The following MTMR3 variants were observed in gnomAD, a reference collection of about 807,000 sequenced individuals.
MTMR3 encodes the protein myotubularin related protein 3, also known as phosphatidylinositol-3,5-bisphosphate 3-phosphatase MTMR3.
Under a neutral mutation model 132.4 loss-of-function variants are expected in MTMR3, and 32 were observed. That is an observed-to-expected ratio of 0.24 (90% CI 0.18 to 0.32). The LOEUF is 0.32. Ranked by LOEUF, MTMR3 falls within the 10% of genes least tolerant of loss-of-function variation. The pLI is 1.00. For synonymous variants in MTMR3, 556 were observed against 550.3 expected (o/e 1.01, Z -0.14); for missense variants, 1,216 against 1,489.6 (o/e 0.82, Z 3.02).
chr22:29,911,395 T>C (rs895091863), intron 1 of MTMR3, among the ~76,000 whole-genome samples: 1 of 151,920 alleles, frequency 6.6e-6, no homozygotes, highest in Non-Finnish European at 1.5e-5. Context: ...ATAAAAAAAT[T>C]AGCCAGGTGT....
At chr22:29,907,419 C>CT (rs1042229472) in intron 1 of MTMR3, among the ~76,000 whole-genome samples, 8 of 144,450 alleles carry the variant, frequency 5.5e-5, no homozygotes, top group African/African-American at 2.3e-4. Context: ...AAATTACAAA[C>CT]TTTTTTATTG....
chr22:29,900,482 T>C (rs2064983812), intron 1 of MTMR3, among the ~76,000 whole-genome samples: 1 of 152,206 alleles, frequency 6.6e-6, no homozygotes, highest in Admixed American at 6.5e-5. Flanking sequence ...ATACAAAGAC[T>C]ACACAGCTGG....
At chr22:30,008,151 C>T (rs775779018) in intron 11 of MTMR3, 119 bp downstream of exon 11, 6 of 1,305,314 alleles carry the variant, frequency 4.6e-6, no homozygotes, top group South Asian at 1.5e-5. Flanking sequence ...TCCATCCTGT[C>T]GTGAGAGTGC....
chr22:29,934,807 A>G (rs1014801823), intron 1 of MTMR3, among the ~76,000 whole-genome samples: 1 of 152,240 alleles, frequency 6.6e-6, no homozygotes, highest in African/African-American at 2.4e-5. Flanking sequence ...TCCTTCAACA[A>G]CTATGAAGAT....
chr22:29,904,210 A>G (rs1368011027), intron 1 of MTMR3, among the ~76,000 whole-genome samples: 1 of 152,216 alleles, frequency 6.6e-6, no homozygotes, highest in Non-Finnish European at 1.5e-5. Context: ...TACAAATACA[A>G]TTTTAATTAG....
chr22:29,921,291 A>G (rs1569004947), intron 1 of MTMR3, among the ~76,000 whole-genome samples: 1 of 152,188 alleles, frequency 6.6e-6, no homozygotes, highest in Admixed American at 6.5e-5. Flanking sequence ...TTAAACAACC[A>G]GTTCTCACGT....
chr22:29,948,502 T>G (rs1216101205), intron 1 of MTMR3, among the ~76,000 whole-genome samples: 3 of 152,196 alleles, frequency 2.0e-5, no homozygotes, highest in African/African-American at 7.2e-5. Flanking sequence ...TTCTAGAATT[T>G]ATGTTTAATA....
intron 1 of MTMR3, among the ~76,000 whole-genome samples, chr22:29,898,854 C>A (rs1166736688): frequency 6.7e-6 from 1 of 148,462 alleles, no homozygotes; most frequent in African/African-American, 2.5e-5. Flanking sequence ...TGATTTTATT[C>A]TTTTTTATGG....
At chr22:29,937,281 C>T (rs914315006) in intron 1 of MTMR3, among the ~76,000 whole-genome samples, 2 of 152,178 alleles carry the variant, frequency 1.3e-5, no homozygotes, top group Non-Finnish European at 2.9e-5. Context: ...GATACCAAGA[C>T]ATTCTCTTCT....
At chr22:29,916,375 T>C (rs761736356) in intron 1 of MTMR3, among the ~76,000 whole-genome samples, 1 of 152,246 alleles carries the variant, frequency 6.6e-6, no homozygotes, top group Non-Finnish European at 1.5e-5. Flanking sequence ...AAAGATGTAG[T>C]AGTGCCTCAC....
intron 1 of MTMR3, among the ~76,000 whole-genome samples, chr22:29,893,027 A>G (rs1479915266): frequency 2.0e-5 from 3 of 152,234 alleles, no homozygotes; most frequent in Non-Finnish European, 2.9e-5. Context: ...TTCTGCAGAA[A>G]TAGGGACTGG....
chr22:30,002,869 C>G lies in MTMR3; in HGVS notation c.558-11C>G, dbSNP rs7284643. Reference sequence around the variant, plus strand: ...CCCCTTGACTCTCCCCACTTCTCATCTTCTCTTTAGATTATGTGGTAGCTA... The same window carrying G: ...CCCCTTGACTCTCCCCACTTCTCATGTTCTCTTTAGATTATGTGGTAGCTA... On this transcript the variant is annotated splice_polypyrimidine_tract_variant and intron_variant, in intron 8 of 19. Coordinates refer to ENST00000401950, the MANE Select transcript of MTMR3 (RefSeq NM_021090.4). 1.9e-3 allele frequency: 3,026 copies of G among 1,605,044 alleles called. 74 individuals are homozygous for G. In the African/African-American group the frequency reaches 0.038, roughly 20 times the overall value.
chr22:29,951,025 C>T (rs999428468), intron 1 of MTMR3, among the ~76,000 whole-genome samples: 8 of 152,054 alleles, frequency 5.3e-5, no homozygotes, highest in African/African-American at 1.9e-4. Context: ...GTGGCATGAG[C>T]TTGTAATCTC....
At chr22:29,912,630 G>T (rs746793316) in intron 1 of MTMR3, among the ~76,000 whole-genome samples, 29 of 152,130 alleles carry the variant, frequency 1.9e-4, no homozygotes, top group Non-Finnish European at 8.8e-5. Context: ...TCAAAGTCCA[G>T]TTCTTCTTTA....
In MTMR3 at chr22:30,027,072, G is replaced by C. The variant is rs1481263335; in HGVS notation, c.*1271G>C. On this transcript the variant is annotated 3_prime_UTR_variant, in exon 20 of 20. Transcript: ENST00000401950. ...TGAGCTTTGATATGGTCCAAAAACA[G>C]CCTTAAATCAAGAATATTTGTGGAG... is the stretch of plus-strand genomic sequence containing the variant. 6.5e-6 allele frequency: 1 copy of C among 152,808 alleles called. No homozygotes were observed. The highest frequency in any genetic ancestry group is 2.4e-5 in the African/African-American group (1 of 41,468). The allele number at this position is 152,808 out of a possible 1,614,324, so 9.5% of individuals were successfully genotyped here.
Position 29,940,524 on chromosome 22 carries a change from A to G in MTMR3, c.-137-16512A>G, listed in dbSNP as rs2065838397. On this transcript the variant is annotated intron_variant, in intron 1 of 19. Coordinates refer to ENST00000401950, the MANE Select transcript of MTMR3 (RefSeq NM_021090.4). ...CTTCACACGGATGCGTGTGACAATG[A>G]CTGTACTTTTAACAGATGAGAAGTT... is the stretch of plus-strand genomic sequence containing the variant. Among the ~76,000 whole-genome samples, 6 of 150,162 alleles carry G rather than the reference A, an allele frequency of 4.0e-5. No individual in the cohort carries two copies. In the South Asian group the frequency reaches 1.0e-3, roughly 26 times the overall value.
At chr22:29,942,968 G>A (rs181076302) in intron 1 of MTMR3, among the ~76,000 whole-genome samples, 7 of 152,270 alleles carry the variant, frequency 4.6e-5, no homozygotes, top group African/African-American at 1.7e-4. Context: ...ACAGGCATAG[G>A]AAATCACAAG....
intron 3 of MTMR3, among the ~76,000 whole-genome samples, chr22:29,977,651 ACT>A (rs1306891196): frequency 6.6e-6 from 1 of 152,002 alleles, no homozygotes; most frequent in Non-Finnish European, 1.5e-5. Context: ...GAGATAATGA[ACT>A]CTCACCCAGT....
intron 2 of MTMR3, among the ~76,000 whole-genome samples, chr22:29,968,003 A>G (rs1429059752): frequency 6.6e-6 from 1 of 151,374 alleles, no homozygotes; most frequent in Non-Finnish European, 1.5e-5. Flanking sequence ...ATTGATGCAT[A>G]TTTGGGTTGT....
Sources: gnomAD v4.1 joint callset for allele counts (sites outside exome capture counted in the v4.1 genomes callset) on GRCh38, gnomAD v4.1.1 for gene constraint, MANE v1.5 for transcripts, NCBI Gene and HGNC (gene_info 2026-07-23, HGNC 2026-07-21) for gene names.